PABPC4L: variants seen among roughly 807,000 people sequenced by gnomAD.
PABPC4L encodes the protein polyadenylate-binding protein 4-like.
For missense variants in PABPC4L, 452 were observed against 451.4 expected (o/e 1.00, Z -0.01); for synonymous variants, 169 against 164.1 (o/e 1.03, Z -0.23).
rs1156447842 is a variant in PABPC4L at position 134,200,312 on chromosome 4, ACT to A, written c.706_707del (p.Ser236PhefsTer2). ...SGKSKGFGFV[S>X]FDSHEAAKKA... ...TCTTGGCAGCCTCATGGCTATCAAA[ACT>A]CACAAAGCCAAAGCCTTTGGATTTC... is the stretch of plus-strand genomic sequence containing the variant. On this transcript the variant is annotated frameshift_variant, in exon 2 of 2. Coordinates refer to ENST00000421491, the MANE Select transcript of PABPC4L (RefSeq NM_001114734.2). LOFTEE classifies it low-confidence loss of function (END_TRUNC). 3 of 1,591,912 alleles carry A rather than the reference ACT, an allele frequency of 1.9e-6. No individual in the cohort carries two copies. The African/African-American group carries it at 4.0e-5, about 21-fold the overall frequency.
chr4:134,201,047 T>C lies in PABPC4L; in HGVS notation c.-28A>G, dbSNP rs1315589594. 1 of 1,551,532 alleles carries C rather than the reference T, an allele frequency of 6.4e-7. No homozygotes were observed. The highest frequency in any genetic ancestry group is 2.4e-5 in the East Asian group (1 of 40,894). ...CCTTGTCCTTGCCACTGTGAGTTTG[T>C]CCCCTGGAGTTCTTTGAGCAATCCC... On this transcript the variant is annotated 5_prime_UTR_variant, in exon 2 of 2. Coordinates refer to ENST00000421491, the MANE Select transcript of PABPC4L (RefSeq NM_001114734.2).
chr4:134,185,331 T>G, the PABPC4L span, among the ~76,000 whole-genome samples: 2 of 152,118 alleles, frequency 1.3e-5, no homozygotes, highest in Admixed American at 6.6e-5. Flanking sequence ...TCAAAAAGCT[T>G]ATCTACCACA....
the PABPC4L span, among the ~76,000 whole-genome samples, chr4:133,966,976 A>C: frequency 6.6e-6 from 1 of 152,142 alleles, no homozygotes; most frequent in African/African-American, 2.4e-5. Flanking sequence ...GGAAACAAGT[A>C]ACTGAGAAAC....
the PABPC4L span, among the ~76,000 whole-genome samples, chr4:134,096,941 C>T: frequency 6.6e-6 from 1 of 151,862 alleles, no homozygotes; most frequent in Non-Finnish European, 1.5e-5. Context: ...TTCTAAAGAT[C>T]ATTTAAATAT....
At chr4:134,022,163 GCT>G in the PABPC4L span, among the ~76,000 whole-genome samples, 3 of 151,966 alleles carry the variant, frequency 2.0e-5, no homozygotes, top group Non-Finnish European at 4.4e-5. Flanking sequence ...CTGAATTTCT[GCT>G]CTTTCCCAAA....
chr4:134,016,154 C>T, the PABPC4L span, among the ~76,000 whole-genome samples: 1 of 152,162 alleles, frequency 6.6e-6, no homozygotes, highest in Non-Finnish European at 1.5e-5. Context: ...CAAAGGTAGG[C>T]TATGCTATAG....
At chr4:134,090,186 G>C in the PABPC4L span, among the ~76,000 whole-genome samples, 1 of 151,992 alleles carries the variant, frequency 6.6e-6, no homozygotes. Flanking sequence ...TTGATTGCTT[G>C]CTTCTATAAA....
the PABPC4L span, among the ~76,000 whole-genome samples, chr4:134,190,896 C>T: frequency 6.6e-6 from 1 of 152,110 alleles, no homozygotes; most frequent in Non-Finnish European, 1.5e-5. Flanking sequence ...AGGTAATCTG[C>T]CCACCTCGGC....
chr4:134,051,683 A>G, the PABPC4L span, among the ~76,000 whole-genome samples: 1 of 152,146 alleles, frequency 6.6e-6, no homozygotes, highest in Non-Finnish European at 1.5e-5. Context: ...CCTGAAAAGA[A>G]CTGAAGCAGC....
the PABPC4L span, among the ~76,000 whole-genome samples, chr4:134,030,424 G>C: frequency 1.3e-5 from 2 of 151,906 alleles, no homozygotes; most frequent in African/African-American, 4.8e-5. Context: ...GCTTTATTTT[G>C]TCAGTTTGTG....
the PABPC4L span, among the ~76,000 whole-genome samples, chr4:134,080,923 C>T: frequency 2.0e-5 from 3 of 152,088 alleles, no homozygotes; most frequent in Non-Finnish European, 4.4e-5. Context: ...TAACTGACAA[C>T]TTCTGCAAAC....
chr4:134,064,061 C>G, the PABPC4L span, among the ~76,000 whole-genome samples: 1 of 151,960 alleles, frequency 6.6e-6, no homozygotes, highest in Non-Finnish European at 1.5e-5. Flanking sequence ...AAACCAAACA[C>G]ATGCATAAAG....
chr4:134,063,349 C>A, the PABPC4L span, among the ~76,000 whole-genome samples: 1 of 151,972 alleles, frequency 6.6e-6, no homozygotes, highest in Non-Finnish European at 1.5e-5. Context: ...AATCTCATAT[C>A]CTCTTGAACT....
the PABPC4L span, among the ~76,000 whole-genome samples, chr4:134,067,502 A>G: frequency 3.3e-5 from 5 of 151,992 alleles, no homozygotes; most frequent in South Asian, 8.3e-4. Context: ...TAATTTTTAT[A>G]TGGTTTTCCA....
At chr4:134,161,884 TATAA>T in the PABPC4L span, among the ~76,000 whole-genome samples, 3 of 152,186 alleles carry the variant, frequency 2.0e-5, no homozygotes, top group East Asian at 1.9e-4. Flanking sequence ...TGTACAAATA[TATAA>T]ATAGAGTCAA....
downstream of PABPC4L, among the ~76,000 whole-genome samples, chr4:134,195,848 G>A (rs533034244): frequency 6.6e-6 from 1 of 151,740 alleles, no homozygotes; most frequent in South Asian, 2.1e-4. Context: ...AGATCCAAAT[G>A]TATGTGTAAC....
chr4:134,099,610 A>G, the PABPC4L span, among the ~76,000 whole-genome samples: 14 of 151,690 alleles, frequency 9.2e-5, no homozygotes, highest in Non-Finnish European at 1.6e-4. Context: ...AAAACTTTTA[A>G]AAAACAATTA....
At chr4:134,133,095 A>C in the PABPC4L span, among the ~76,000 whole-genome samples, 1 of 16,898 alleles carries the variant, frequency 5.9e-5, no homozygotes, top group Non-Finnish European at 8.1e-5. Context: ...ATAATTATAT[A>C]TTACATATAA....
the PABPC4L span, among the ~76,000 whole-genome samples, chr4:134,175,342 C>A: frequency 6.6e-6 from 1 of 151,786 alleles, no homozygotes; most frequent in East Asian, 1.9e-4. Flanking sequence ...TAGATTTAAG[C>A]TGTTATTGTT....
Sources: gnomAD v4.1 joint callset for allele counts (sites outside exome capture counted in the v4.1 genomes callset) on GRCh38, gnomAD v4.1.1 for gene constraint, MANE v1.5 for transcripts, NCBI Gene and HGNC (gene_info 2026-07-23, HGNC 2026-07-21) for gene names.